The following FMN1 variants were observed in gnomAD, a reference collection of about 807,000 sequenced individuals.
The protein encoded by FMN1 is formin 1, also known as formin-1.
Under a neutral mutation model 132.4 loss-of-function variants are expected in FMN1, and 110 were observed. That is an observed-to-expected ratio of 0.83 (90% CI 0.71 to 0.97). The LOEUF (loss-of-function observed/expected upper bound fraction) is 0.97, where lower values mean the gene tolerates loss of function less well. Among genes scored for constraint, FMN1 ranks in the 50% least tolerant of loss-of-function variants. The probability of loss-of-function intolerance (pLI) is 0.00; values close to 1 mark genes in which losing one functional copy is unlikely to be tolerated. For missense variants in FMN1, 1,792 were observed against 1,705.3 expected (o/e 1.05, Z -0.90); for synonymous variants, 722 against 651.7 (o/e 1.11, Z -1.64).
chr15:33,068,098 A>G lies in FMN1; in HGVS notation c.2044-3024T>C, dbSNP rs547729877. 37 of 1,288,522 alleles carry G rather than the reference A, an allele frequency of 2.9e-5. No homozygotes were observed. The East Asian group carries it at 7.8e-4, about 27-fold the overall frequency. The allele number at this position is 1,288,522 out of a possible 1,614,324, so 79.8% of individuals were successfully genotyped here. ...TGATGTGTTCCAGGGCAACTGTGAA[A>G]AATCTGTGGAGTCTATGCCCAGAAG... On this transcript the variant is annotated intron_variant, in intron 5 of 20. Transcript: ENST00000616417.
intron 8 of FMN1, among the ~76,000 whole-genome samples, 163 bp downstream of exon 8, chr15:32,968,551 A>G (rs554629826): frequency 6.6e-6 from 1 of 152,274 alleles, no homozygotes; most frequent in African/African-American, 2.4e-5. Context: ...ATGGAGACAG[A>G]CAATCTCCCC....
intron 7 of FMN1, among the ~76,000 whole-genome samples, chr15:32,978,706 CAATT>C (rs1269508697): frequency 6.6e-6 from 1 of 152,078 alleles, no homozygotes; most frequent in African/African-American, 2.4e-5. Flanking sequence ...TGGGGTTCTC[CAATT>C]AATTAATCAT....
At chr15:33,041,070 C>T (rs563599174) in intron 6 of FMN1, among the ~76,000 whole-genome samples, 1 of 151,510 alleles carries the variant, frequency 6.6e-6, no homozygotes, top group South Asian at 2.1e-4. Context: ...TTCATCATGA[C>T]CAAATAAAAC....
intron 18 of FMN1, among the ~76,000 whole-genome samples, chr15:32,801,890 C>A (rs766346224): frequency 6.6e-6 from 1 of 152,236 alleles, no homozygotes; most frequent in Non-Finnish European, 1.5e-5. Context: ...TATGAACCTG[C>A]AATGGTTTGA....
chr15:33,022,829 G>GAC (rs929602126), intron 6 of FMN1, among the ~76,000 whole-genome samples: 3 of 152,132 alleles, frequency 2.0e-5, no homozygotes, highest in African/African-American at 4.8e-5. Flanking sequence ...AAGGGACTGA[G>GAC]ACACAGCTGT....
chr15:32,921,876 T>C (rs1031202835), intron 10 of FMN1, among the ~76,000 whole-genome samples: 2 of 152,124 alleles, frequency 1.3e-5, no homozygotes, highest in Non-Finnish European at 2.9e-5. Context: ...TTTCGCCATG[T>C]TGGCCAGGTT....
intron 5 of FMN1, among the ~76,000 whole-genome samples, chr15:33,083,688 C>T (rs941056805): frequency 2.6e-5 from 4 of 152,250 alleles, no homozygotes; most frequent in Non-Finnish European, 5.9e-5. Flanking sequence ...TGAACCACAG[C>T]GACTTCATCT....
intron 5 of FMN1, among the ~76,000 whole-genome samples, chr15:33,066,127 T>TA (rs1288231540): frequency 6.6e-6 from 1 of 152,034 alleles, no homozygotes; most frequent in Non-Finnish European, 1.5e-5. Context: ...AAAGGAACGA[T>TA]AGACTTTCTG....
chr15:33,039,378 A>G (rs1313903801), intron 6 of FMN1, among the ~76,000 whole-genome samples: 1 of 152,242 alleles, frequency 6.6e-6, no homozygotes, highest in African/African-American at 2.4e-5. Context: ...AGACCCTGGT[A>G]GAATAGCAGT....
chr15:32,899,073 A>C (rs540771738), intron 14 of FMN1, among the ~76,000 whole-genome samples, 180 bp from the exon 15 acceptor site: 1 of 152,310 alleles, frequency 6.6e-6, no homozygotes, highest in East Asian at 1.9e-4. Context: ...TGGCTACATA[A>C]AGAAATGACA....
chr15:32,799,451 ATCAC>A (rs2140982688), intron 18 of FMN1, among the ~76,000 whole-genome samples: 1 of 152,298 alleles, frequency 6.6e-6, no homozygotes, highest in Admixed American at 6.5e-5. Context: ...TCTTGGGTCA[ATCAC>A]TCAGCATCTT....
At chr15:32,843,753 T>C (rs1331449617) in intron 17 of FMN1, among the ~76,000 whole-genome samples, 1 of 152,144 alleles carries the variant, frequency 6.6e-6, no homozygotes, top group Non-Finnish European at 1.5e-5. Flanking sequence ...AAAGGGGAAG[T>C]AGTAAATAGC....
chr15:32,879,939 C>T (rs569469366), intron 16 of FMN1, among the ~76,000 whole-genome samples: 6 of 152,200 alleles, frequency 3.9e-5, no homozygotes, highest in African/African-American at 1.2e-4. Context: ...GAACAGCAGT[C>T]CCCCATCTCC....
intron 6 of FMN1, among the ~76,000 whole-genome samples, chr15:33,054,126 C>T (rs886571734): frequency 2.0e-5 from 3 of 152,150 alleles, no homozygotes; most frequent in African/African-American, 7.2e-5. Flanking sequence ...GGAGTCATCT[C>T]ATTTGCATAA....
intron 7 of FMN1, among the ~76,000 whole-genome samples, chr15:32,984,100 T>A (rs993825387): frequency 8.5e-5 from 13 of 152,188 alleles, no homozygotes; most frequent in African/African-American, 3.1e-4. Flanking sequence ...TTTTCATATT[T>A]CATCCATAAA....
At chr15:33,123,765 A>G (rs557875598) in intron 4 of FMN1, among the ~76,000 whole-genome samples, 3 of 152,220 alleles carry the variant, frequency 2.0e-5, no homozygotes, top group South Asian at 2.1e-4. Flanking sequence ...TCCACTACGT[A>G]AAGTTTCTTA....
chr15:33,101,067 T>C (rs1056900463), intron 4 of FMN1, among the ~76,000 whole-genome samples: 1 of 152,104 alleles, frequency 6.6e-6, no homozygotes, highest in African/African-American at 2.4e-5. Context: ...CTTTCTAAAT[T>C]TCATTTAGAA....
intron 19 of FMN1, among the ~76,000 whole-genome samples, chr15:32,786,750 A>G (rs1258719): frequency 0.19 from 29,227 of 152,238 alleles, 3,194 homozygotes; most frequent in Non-Finnish European, 0.25. Context: ...AGATGGTATT[A>G]ACGCCATAAG....
intron 4 of FMN1, among the ~76,000 whole-genome samples, chr15:33,127,395 C>CTT (rs1963194550): frequency 2.0e-5 from 3 of 152,174 alleles, no homozygotes; most frequent in Non-Finnish European, 4.4e-5. Context: ...CTTTACCAGT[C>CTT]TCAAAGGATG....
Sources: gnomAD v4.1 joint callset for allele counts (sites outside exome capture counted in the v4.1 genomes callset) on GRCh38, gnomAD v4.1.1 for gene constraint, MANE v1.5 for transcripts, NCBI Gene and HGNC (gene_info 2026-07-23, HGNC 2026-07-21) for gene names.